RYR1: variants seen among roughly 807,000 people sequenced by gnomAD.
The protein encoded by RYR1 is ryanodine receptor 1, also known as central core disease of muscle.
RYR1 carries 342 observed loss-of-function variants against 583.5 expected under a neutral mutation model. The observed-to-expected ratio is 0.59, with a 90% CI of 0.54 to 0.64. The LOEUF (loss-of-function observed/expected upper bound fraction) is 0.64, where lower values mean the gene tolerates loss of function less well. Ranked by LOEUF, RYR1 falls within the 30% of genes least tolerant of loss-of-function variation. The pLI, the probability that RYR1 is intolerant of heterozygous loss-of-function variation, is 0.00. For synonymous variants in RYR1, 2,791 were observed against 2,822.5 expected (o/e 0.99, Z 0.35); for missense variants, 6,032 against 6,917.2 (o/e 0.87, Z 4.54).
chr19:38,548,436 C>T lies in RYR1; in HGVS notation c.12282+16C>T, dbSNP rs1010207037. 5 of 1,611,090 alleles carry T rather than the reference C, an allele frequency of 3.1e-6. No individual in the cohort carries two copies. The highest frequency in any genetic ancestry group is 1.7e-5 in the Admixed American group (1 of 59,878). On this transcript the variant is annotated intron_variant, in intron 89 of 105. Coordinates refer to ENST00000359596, the MANE Select transcript of RYR1 (RefSeq NM_000540.3). ...CTTCCAGAAGGTGGGTGTGGGACAT[C>T]GTGTGGGCCCAGGACTTGGGTGGGG...
In RYR1 at chr19:38,478,344, G is replaced by A. The variant is rs1968846096; in HGVS notation, c.4455-91G>A. The A allele has an allele frequency of 8.4e-6, 12 of 1,434,584 alleles. No individual in the cohort carries two copies. In the South Asian group the frequency reaches 1.2e-4, roughly 14 times the overall value. 88.9% of individuals were successfully genotyped at this position (1,434,584 alleles called of 1,614,324 possible). ...GGGTGTTTGGGGATGGGACTCTGAG[G>A]TTGTGTGTTTCCGGGAGCTTGGGGA... On this transcript the variant is annotated intron_variant, in intron 30 of 105. Coordinates refer to ENST00000359596, the MANE Select transcript of RYR1 (RefSeq NM_000540.3).
intron 37 of RYR1, among the ~76,000 whole-genome samples, chr19:38,492,178 A>C (rs1969578456): frequency 6.6e-6 from 1 of 152,064 alleles, no homozygotes; most frequent in Non-Finnish European, 1.5e-5. Context: ...CCTGGGCAAC[A>C]TGGCAAGACC....
Position 38,494,267 on chromosome 19 carries a change from C to A in RYR1, c.6275-85C>A, listed in dbSNP as rs1969696073. Reference sequence around the variant, plus strand: ...CTGGGAAAACTTCTGGAACAGGGGGCCCCTTCCACATTGTTCTGGTCCAAG... The same window carrying A: ...CTGGGAAAACTTCTGGAACAGGGGGACCCTTCCACATTGTTCTGGTCCAAG... On this transcript the variant is annotated intron_variant, in intron 38 of 105. Transcript: ENST00000359596. The A allele has an allele frequency of 3.2e-6, 5 of 1,556,480 alleles. No homozygotes were observed. In the South Asian group the frequency reaches 5.6e-5, roughly 17 times the overall value.
Position 38,500,900 on chromosome 19 carries a change from T to C in RYR1, c.7524T>C (p.Arg2508=), listed in dbSNP as rs886038340. The C allele has an allele frequency of 6.2e-7, 1 of 1,607,044 alleles. No homozygotes were observed. The highest frequency in any genetic ancestry group is 1.7e-5 in the Admixed American group (1 of 59,716). Residue 2508 remains arginine (R), a synonymous_variant, in exon 47 of 106, where the codon CGT becomes CGC. Coordinates refer to ENST00000359596, the MANE Select transcript of RYR1 (RefSeq NM_000540.3). The surrounding 1 kb of genome is among the most constrained non-coding windows in gnomAD (Gnocchi z 5.9). The part of the protein sequence containing the change: ...HKASMVLFLD[R]VYGIENQDFL... ...CGTCCATGGTGCTCTTCCTGGACCGTGTGTATGGCATCGAGAACCAGGACT... is the reference window on the plus strand; with the variant it reads ...CGTCCATGGTGCTCTTCCTGGACCGCGTGTATGGCATCGAGAACCAGGACT...
intron 84 of RYR1, among the ~76,000 whole-genome samples, chr19:38,539,451 G>A (rs764401748): frequency 7.9e-5 from 12 of 151,542 alleles, no homozygotes; most frequent in Non-Finnish European, 1.2e-4. Context: ...GTTGCCCAGG[G>A]GATCTCAAAC....
intron 90 of RYR1, among the ~76,000 whole-genome samples, chr19:38,564,155 G>T (rs139035649): frequency 1.7e-3 from 252 of 152,368 alleles, no homozygotes; most frequent in Non-Finnish European, 3.0e-3. Flanking sequence ...AAGGCCAGAG[G>T]ATTGCTCGAG....
At chr19:38,580,330 A>C in intron 100 of RYR1, 40 bp from the exon 101 acceptor site, 1 of 1,611,918 alleles carries the variant, frequency 6.2e-7, no homozygotes, top group Non-Finnish European at 8.5e-7. Flanking sequence ...GGGGAGGGCA[A>C]GCCCAGGGCG....
intron 58 of RYR1, 68 bp from the exon 59 acceptor site, chr19:38,510,430 T>G: frequency 6.6e-7 from 1 of 1,524,230 alleles, no homozygotes; most frequent in East Asian, 2.3e-5. Flanking sequence ...CCCAGCATCC[T>G]TCCCATCAGA....
intron 100 of RYR1, 40 bp from the exon 101 acceptor site, chr19:38,580,330 A>G (rs1352659921): frequency 6.2e-7 from 1 of 1,611,800 alleles, no homozygotes; most frequent in Non-Finnish European, 8.5e-7. Context: ...GGGGAGGGCA[A>G]GCCCAGGGCG....
intron 67 of RYR1, among the ~76,000 whole-genome samples, chr19:38,520,652 G>A (rs544853746): frequency 1.5e-5 from 2 of 134,300 alleles, no homozygotes; most frequent in South Asian, 4.9e-4. Flanking sequence ...CTGAGATCGT[G>A]TCACTGCACT....
chr19:38,552,110 G>A (rs1469126087), intron 89 of RYR1, among the ~76,000 whole-genome samples: 1 of 151,924 alleles, frequency 6.6e-6, no homozygotes, highest in African/African-American at 2.4e-5. Flanking sequence ...ACCACACCCG[G>A]CTACTTTTAT....
At position 38,512,115 on chromosome 19, in the gene RYR1, C is replaced by A. The variant is rs1361441570; in HGVS notation, c.9216C>A (p.Ala3072=). The change falls in exon 62 of 106, where the codon GCC becomes GCA. Residue 3072 remains alanine, a synonymous_variant. Transcript: ENST00000359596. The surrounding 1 kb of genome is among the most constrained non-coding windows in gnomAD (Gnocchi z 5.1). ...TGGTCAACTGTCTTCACATCCTGGC[C>A]CGCTCCCTGGATGCCAGGTAGGGCC... ...PAVVNCLHIL[A]RSLDARTVMK... 3 of 1,614,178 alleles carry A rather than the reference C, an allele frequency of 1.9e-6. No individual in the cohort carries two copies.
chr19:38,481,993 C>T lies in RYR1; in HGVS notation c.4621-1034C>T, dbSNP rs1334352321. Among the ~76,000 whole-genome samples, 3 of 152,084 alleles carry T rather than the reference C, an allele frequency of 2.0e-5. No individual in the cohort carries two copies. The East Asian group carries it at 5.8e-4, about 29-fold the overall frequency. ...ATCCCAGCTACTTGGGAGGCTGAGA[C>T]AGGAGAATCGCTTGAACGTGGGAGG... On this transcript the variant is annotated intron_variant, in intron 31 of 105. Coordinates refer to ENST00000359596, the MANE Select transcript of RYR1 (RefSeq NM_000540.3).
intron 104 of RYR1, 88 bp downstream of exon 104, chr19:38,586,279 A>C: frequency 7.7e-7 from 1 of 1,295,728 alleles, no homozygotes; most frequent in Non-Finnish European, 1.1e-6. Flanking sequence ...CCAGTTAGGA[A>C]AGGGGGTGTA....
intron 31 of RYR1, among the ~76,000 whole-genome samples, chr19:38,481,743 G>A (rs766885685): frequency 3.3e-4 from 50 of 152,126 alleles, no homozygotes; most frequent in Admixed American, 5.2e-4. Context: ...CTATGATAGC[G>A]CCACTGCACT....
chr19:38,499,123 G>T lies in RYR1; in HGVS notation c.6907G>T (p.Ala2303Ser). ...CTGCCCCCAGGTTGTGTCCTACCTGGCAGGCTGTGGCCTCCAGAGCTGCCC... is the reference window on the plus strand; with the variant it reads ...CTGCCCCCAGGTTGTGTCCTACCTGTCAGGCTGTGGCCTCCAGAGCTGCCC... ...QDLEKVVSYL[A>S]GCGLQSCPML... is the part of the protein sequence containing the mutation. Residue 2303 changes from alanine (A) to serine (S), a missense_variant, in exon 43 of 106, where the codon GCA (alanine) becomes TCA (serine). By Grantham distance (99) the Ala-to-Ser change is moderately conservative. This residue lies in a region of RYR1 where 2,627 missense variants were observed against 2,961.3 expected (regional missense o/e 0.89). Coordinates refer to ENST00000359596, the MANE Select transcript of RYR1 (RefSeq NM_000540.3). The surrounding 1 kb of genome is among the most constrained non-coding windows in gnomAD (Gnocchi z 7.3). The T allele has an allele frequency of 6.2e-7, 1 of 1,614,160 alleles. No individual in the cohort carries two copies. Among genetic ancestry groups the T allele is most frequent in the Non-Finnish European group, 8.5e-7 (1 of 1,180,024 alleles).
intron 35 of RYR1, 34 bp downstream of exon 35, chr19:38,489,477 C>A: frequency 6.2e-7 from 1 of 1,613,282 alleles, no homozygotes; most frequent in Non-Finnish European, 8.5e-7. Context: ...CGGCCTCTGT[C>A]CATCTGGGCT....
At position 38,504,319 on chromosome 19, in the gene RYR1, C is replaced by A; in HGVS notation, c.8026C>A (p.Arg2676=). The A allele has an allele frequency of 6.2e-7, 1 of 1,614,174 alleles. No homozygotes were observed. Among genetic ancestry groups the A allele is most frequent in the South Asian group, 1.1e-5 (1 of 91,084 alleles). Residue 2676 remains arginine (R), a synonymous_variant, in exon 50 of 106, where the codon CGG becomes AGG. Transcript: ENST00000359596. ...CTCAGAGGAGGAGCTGCACCTCACA[C>A]GGAAACTCTTCTGGGGCATCTTTGA... ...VTSEEELHLT[R]KLFWGIFDSL... is the part of the protein sequence containing the mutation.
At chr19:38,529,702 A>C (rs1189933768) in intron 76 of RYR1, among the ~76,000 whole-genome samples, 1 of 152,214 alleles carries the variant, frequency 6.6e-6, no homozygotes, top group Admixed American at 6.5e-5. Flanking sequence ...AGACAGAAGT[A>C]GTGGGGAGGT....
Sources: gnomAD v4.1 joint callset for allele counts (sites outside exome capture counted in the v4.1 genomes callset) on GRCh38, gnomAD v4.1.1 for gene constraint, gnomAD v4.1.1 regional missense constraint, Gnocchi (gnomAD v3.1) non-coding constraint, MANE v1.5 for transcripts, NCBI Gene and HGNC (gene_info 2026-07-23, HGNC 2026-07-21) for gene names.